The following SMTNL2 variants were observed in gnomAD, a reference collection of about 807,000 sequenced individuals.
SMTNL2 encodes smoothelin like 2.
In SMTNL2, 43 loss-of-function variants were observed where a neutral mutation model predicts 44.1. The observed-to-expected ratio is 0.98, with a 90% CI of 0.76 to 1.26. The LOEUF (loss-of-function observed/expected upper bound fraction) is 1.26. Among genes scored for constraint, SMTNL2 ranks in the 50% most tolerant of loss-of-function variants. The pLI, the probability that SMTNL2 is intolerant of heterozygous loss-of-function variation, is 0.00. For synonymous variants in SMTNL2, 317 were observed against 287.6 expected (o/e 1.10, Z -1.03); for missense variants, 646 against 670.2 (o/e 0.96, Z 0.40).
chr17:4,587,341 A>T (rs1190272957), intron 1 of SMTNL2, among the ~76,000 whole-genome samples: 2 of 152,148 alleles, frequency 1.3e-5, no homozygotes, highest in African/African-American at 4.8e-5. Flanking sequence ...ACCAATCCCC[A>T]TCTCTCTTGC....
chr17:4,586,023 G>C (rs547322572), intron 1 of SMTNL2, among the ~76,000 whole-genome samples: 4 of 152,318 alleles, frequency 2.6e-5, no homozygotes, highest in African/African-American at 9.6e-5. Flanking sequence ...GGGTATCTCA[G>C]CAAGGCTTTG....
intron 1 of SMTNL2, among the ~76,000 whole-genome samples, chr17:4,589,195 T>A (rs953495574): frequency 3.3e-5 from 5 of 152,130 alleles, no homozygotes; most frequent in Admixed American, 1.3e-4. Context: ...TCATGGGGGT[T>A]GTTGAGGGGC....
rs2150527993 is a variant in SMTNL2, at chr17:4,607,649, A to T, written c.*162A>T. 1 of 1,186,062 alleles carries T rather than the reference A, an allele frequency of 8.4e-7. No individual in the cohort carries two copies. The highest frequency in any genetic ancestry group is 2.5e-5 in the East Asian group (1 of 39,538). 73.5% of individuals were successfully genotyped at this position (1,186,062 alleles called of 1,614,324 possible). ...ACTCCCCTTCGAGCCCAGCTGTGTT[A>T]CTGATTAAAAGTACTGCTGAGCTGT... On this transcript the variant is annotated 3_prime_UTR_variant, in exon 8 of 8. Transcript: ENST00000389313. This position sits in a 1 kb window ranked among gnomAD's most constrained non-coding sequence, Gnocchi z 4.7.
Position 4,607,597 on chromosome 17 carries a change from G to A in SMTNL2, c.*110G>A, listed in dbSNP as rs1910334112. 14 of 1,512,718 alleles carry A rather than the reference G, an allele frequency of 9.3e-6. No homozygotes were observed. The highest frequency in any genetic ancestry group is 7.6e-5 in the South Asian group (6 of 78,878). 93.7% of individuals were successfully genotyped at this position (1,512,718 alleles called of 1,614,324 possible). ...GAGCCTTGCCGTTTGGTGTGAGCGC[G>A]CTGTTTGTTCTGTGGCATGTGACGG... On this transcript the variant is annotated 3_prime_UTR_variant, in exon 8 of 8. Coordinates refer to ENST00000389313, the MANE Select transcript of SMTNL2 (RefSeq NM_001114974.2). The surrounding 1 kb of genome is among the most constrained non-coding windows in gnomAD (Gnocchi z 4.7).
Position 4,585,001 on chromosome 17 carries a change from C to A in SMTNL2, c.396C>A (p.Gly132=). Residue 132 remains glycine, a synonymous_variant, in exon 1 of 8, where the codon GGC becomes GGA. Coordinates refer to ENST00000389313, the MANE Select transcript of SMTNL2 (RefSeq NM_001114974.2). ...SHATFSLSGR[G]QSLDHDEASE... is the part of the protein sequence containing the mutation. Reference sequence around the variant, plus strand: ...CCACCTTCTCGCTGTCCGGCCGCGGCCAGGTGAGCCCGGGGGAGCGCGTGC... The same window carrying A: ...CCACCTTCTCGCTGTCCGGCCGCGGACAGGTGAGCCCGGGGGAGCGCGTGC... 2 of 1,351,628 alleles carry A rather than the reference C, an allele frequency of 1.5e-6. No individual in the cohort carries two copies. Among genetic ancestry groups the A allele is most frequent in the Non-Finnish European group, 9.5e-7 (1 of 1,055,222 alleles). The allele number at this position is 1,351,628 out of a possible 1,614,324, so 83.7% of individuals were successfully genotyped here.
chr17:4,606,270 C>T (rs1910275001), intron 7 of SMTNL2, among the ~76,000 whole-genome samples: 1 of 151,890 alleles, frequency 6.6e-6, no homozygotes, highest in African/African-American at 2.4e-5. Flanking sequence ...TACAGGCACA[C>T]GCCACCACGC....
chr17:4,600,052 G>A lies in SMTNL2; in HGVS notation c.1259+2729G>A, dbSNP rs1316154326. On this transcript the variant is annotated intron_variant, in intron 7 of 7. Coordinates refer to ENST00000389313, the MANE Select transcript of SMTNL2 (RefSeq NM_001114974.2). The surrounding 1 kb of genome is among the most constrained non-coding windows in gnomAD (Gnocchi z 4.7). ...CACCGCAGGCCTGTGCCGGGGGGTC[G>A]GGGGAGTTTGCTCAGAGCCTGGGAA... 2.0e-5 allele frequency among the ~76,000 whole-genome samples: 3 copies of A among 152,170 alleles called. No individual in the cohort carries two copies. Among genetic ancestry groups the A allele is most frequent in the East Asian group, 1.9e-4 (1 of 5,192 alleles).
chr17:4,593,303 C>T, intron 3 of SMTNL2, 132 bp downstream of exon 3: 1 of 1,307,504 alleles, frequency 7.6e-7, no homozygotes, highest in Non-Finnish European at 1.0e-6. Context: ...CCTCTGCCTG[C>T]CATGTCAGCC....
intron 7 of SMTNL2, among the ~76,000 whole-genome samples, chr17:4,605,832 A>G (rs758260816): frequency 6.6e-6 from 1 of 152,176 alleles, no homozygotes; most frequent in African/African-American, 2.4e-5. Flanking sequence ...GGACCCAGGC[A>G]TACTGTAAGC....
intron 1 of SMTNL2, 78 bp downstream of exon 1, chr17:4,585,082 C>T (rs1261955435): frequency 1.6e-6 from 2 of 1,257,826 alleles, no homozygotes; most frequent in Admixed American, 4.4e-5. Context: ...CCCCGACTGC[C>T]TGCCTCTGCT....
At chr17:4,594,644 C>T (rs901706108) in intron 4 of SMTNL2, among the ~76,000 whole-genome samples, 5 of 151,662 alleles carry the variant, frequency 3.3e-5, no homozygotes, top group South Asian at 2.1e-4. Context: ...TTCCCTGTGG[C>T]ACAGGCCTCC....
intron 1 of SMTNL2, 91 bp downstream of exon 1, chr17:4,585,095 C>G: frequency 8.1e-7 from 1 of 1,236,952 alleles, no homozygotes; most frequent in South Asian, 2.8e-5. Flanking sequence ...CCTCTGCTCG[C>G]GTCTGCGGGG....
At chr17:4,587,891 C>T (rs570949132) in intron 1 of SMTNL2, among the ~76,000 whole-genome samples, 14 of 152,270 alleles carry the variant, frequency 9.2e-5, no homozygotes, top group Admixed American at 3.3e-4. Context: ...GAGGCCAGGC[C>T]CAGGCCCCAG....
chr17:4,591,491 C>G (rs188123220), intron 1 of SMTNL2, among the ~76,000 whole-genome samples: 1 of 152,372 alleles, frequency 6.6e-6, no homozygotes, highest in East Asian at 1.9e-4. Flanking sequence ...CACATGCCCT[C>G]TGGGAGTCCT....
Position 4,607,679 on chromosome 17 carries a change from C to G in SMTNL2, c.*192C>G. 2 of 856,206 alleles carry G rather than the reference C, an allele frequency of 2.3e-6. No homozygotes were observed. The highest frequency in any genetic ancestry group is 3.4e-6 in the Non-Finnish European group (2 of 588,284). 53.0% of individuals were successfully genotyped at this position (856,206 alleles called of 1,614,324 possible). A position where few individuals can be genotyped will look rare whatever the true frequency, so the allele number is the denominator to read the frequency against. On this transcript the variant is annotated 3_prime_UTR_variant, in exon 8 of 8. Transcript: ENST00000389313. The surrounding 1 kb of genome is among the most constrained non-coding windows in gnomAD (Gnocchi z 4.7). The stretch of plus-strand genomic sequence containing the variant: ...TTAAAAGTACTGCTGAGCTGTGGTC[C>G]GACAGCACTGATCACAGCCAAGGGC...
At chr17:4,591,472 T>C (rs902927099) in intron 1 of SMTNL2, among the ~76,000 whole-genome samples, 3 of 152,200 alleles carry the variant, frequency 2.0e-5, no homozygotes, top group Admixed American at 2.0e-4. Flanking sequence ...TGTATAACTT[T>C]GGGCAGGGCA....
At chr17:4,586,913 A>C (rs759326821) in intron 1 of SMTNL2, among the ~76,000 whole-genome samples, 11 of 152,052 alleles carry the variant, frequency 7.2e-5, no homozygotes, top group Non-Finnish European at 8.8e-5. Context: ...CGTGCTGAAC[A>C]TGAGGGGACT....
intron 7 of SMTNL2, among the ~76,000 whole-genome samples, chr17:4,602,389 C>T (rs574552475): frequency 4.6e-5 from 6 of 131,400 alleles, no homozygotes; most frequent in African/African-American, 8.7e-5. Flanking sequence ...GTGGAATAAT[C>T]TCAGCTCACT....
intron 1 of SMTNL2, among the ~76,000 whole-genome samples, chr17:4,591,595 C>T (rs1056123321): frequency 2.6e-5 from 4 of 152,206 alleles, no homozygotes; most frequent in African/African-American, 7.2e-5. Flanking sequence ...AGGATAGCAC[C>T]GGAAAAAGGG....
Sources: allele counts gnomAD v4.1 joint callset (sites outside exome capture counted in the v4.1 genomes callset), GRCh38; gene constraint gnomAD v4.1.1; non-coding constraint Gnocchi (gnomAD v3.1); transcripts MANE v1.5; gene names NCBI Gene and HGNC (gene_info 2026-07-23, HGNC 2026-07-21).